RAPGEF2: variants seen among roughly 807,000 people sequenced by gnomAD.
RAPGEF2 encodes PDZ domain containing guanine nucleotide exchange factor (GEF) 1.
RAPGEF2 carries 54 observed loss-of-function variants against 186.7 expected under a neutral mutation model. That is an observed-to-expected ratio of 0.29 (90% CI 0.23 to 0.36). RAPGEF2 has a LOEUF of 0.36. Among genes scored for constraint, RAPGEF2 ranks in the 10% least tolerant of loss-of-function variants. RAPGEF2 has a pLI of 1.00. For missense variants in RAPGEF2, 1,532 were observed against 2,045.0 expected (o/e 0.75, Z 4.84); for synonymous variants, 712 against 705.9 (o/e 1.01, Z -0.14).
chr4:159,119,465 AAAGATG>A (rs1212078604), intron 1 of RAPGEF2, among the ~76,000 whole-genome samples: 1 of 152,214 alleles, frequency 6.6e-6, no homozygotes, highest in East Asian at 1.9e-4. Context: ...GATAGTACAG[AAAGATG>A]AAGATTAATG....
intron 26 of RAPGEF2, among the ~76,000 whole-genome samples, chr4:159,352,284 A>G (rs1032672000): frequency 2.0e-5 from 3 of 152,234 alleles, no homozygotes; most frequent in Admixed American, 2.0e-4. Flanking sequence ...AAGTTCTAAA[A>G]ATTGAAAACT....
chr4:159,104,438 T>C (rs1737557191), intron 1 of RAPGEF2, among the ~76,000 whole-genome samples: 1 of 148,944 alleles, frequency 6.7e-6, no homozygotes, highest in Non-Finnish European at 1.5e-5. Context: ...GACATTCTGC[T>C]CCTTAACTCT....
At chr4:159,210,086 C>A (rs953012006) in intron 3 of RAPGEF2, among the ~76,000 whole-genome samples, 1 of 152,064 alleles carries the variant, frequency 6.6e-6, no homozygotes, top group African/African-American at 2.4e-5. Context: ...TAAAGAAATT[C>A]TAAAAGAATA....
chr4:159,268,171 A>C lies in RAPGEF2; in HGVS notation c.543+24380A>C, dbSNP rs199853003. 31 of 1,612,992 alleles carry C rather than the reference A, an allele frequency of 1.9e-5. No individual in the cohort carries two copies. Among genetic ancestry groups the C allele is most frequent in the Non-Finnish European group, 2.5e-5 (30 of 1,179,192 alleles). On this transcript the variant is annotated intron_variant, in intron 7 of 29. Coordinates refer to ENST00000691494, the MANE Select transcript of RAPGEF2 (RefSeq NM_001394067.2). ...TTTCTTCATTATGAAACCACTAGCAATCCCAGCTAACCATGGAGTTATGGG... is the reference window on the plus strand; with the variant it reads ...TTTCTTCATTATGAAACCACTAGCACTCCCAGCTAACCATGGAGTTATGGG...
intron 29 of RAPGEF2, among the ~76,000 whole-genome samples, chr4:159,356,623 A>G (rs1732052748): frequency 6.6e-6 from 1 of 152,206 alleles, no homozygotes; most frequent in Admixed American, 6.5e-5. Flanking sequence ...AGAATAGGCC[A>G]GGTGCGATGG....
intron 4 of RAPGEF2, among the ~76,000 whole-genome samples, chr4:159,212,095 T>A (rs1750587792): frequency 6.6e-6 from 1 of 152,010 alleles, no homozygotes. Flanking sequence ...ATTTTATGAA[T>A]GAGGAAACGA....
intron 4 of RAPGEF2, among the ~76,000 whole-genome samples, chr4:159,214,537 AT>A (rs1750825465): frequency 6.6e-6 from 1 of 152,250 alleles, no homozygotes; most frequent in African/African-American, 2.4e-5. Context: ...TATTTAAAAA[AT>A]TGTAATAGAA....
intron 7 of RAPGEF2, among the ~76,000 whole-genome samples, chr4:159,247,755 CTTTTT>C (rs56053207): frequency 2.8e-4 from 23 of 83,460 alleles, no homozygotes; most frequent in African/African-American, 6.1e-4. Context: ...TAATTTGTTT[CTTTTT>C]TTTTTTTTTT....
intron 3 of RAPGEF2, among the ~76,000 whole-genome samples, chr4:159,193,806 T>G (rs1748358293): frequency 6.6e-6 from 1 of 152,244 alleles, no homozygotes; most frequent in African/African-American, 2.4e-5. Context: ...AATTATGATT[T>G]ATTAGACATT....
intron 20 of RAPGEF2, among the ~76,000 whole-genome samples, chr4:159,342,603 T>TTTATTTTATG: frequency 6.8e-6 from 1 of 147,524 alleles, no homozygotes; most frequent in East Asian, 1.9e-4. Context: ...TTTATTTTAT[T>TTTATTTTATG]TTATTTTATT....
At chr4:159,214,252 T>C (rs1439714074) in intron 4 of RAPGEF2, among the ~76,000 whole-genome samples, 54 of 152,218 alleles carry the variant, frequency 3.5e-4, no homozygotes. Context: ...TGCATAACTT[T>C]ATGAGGTGCT....
At chr4:159,115,809 A>G (rs1378853230) in intron 1 of RAPGEF2, among the ~76,000 whole-genome samples, 2 of 152,188 alleles carry the variant, frequency 1.3e-5, no homozygotes, top group African/African-American at 4.8e-5. Flanking sequence ...ATCTTTGACA[A>G]ACCTGACACA....
At chr4:159,262,940 G>T (rs758347999) in intron 7 of RAPGEF2, among the ~76,000 whole-genome samples, 2 of 151,902 alleles carry the variant, frequency 1.3e-5, no homozygotes, top group Non-Finnish European at 2.9e-5. Context: ...GATTCTTTGT[G>T]TTTCTAAAGA....
intron 1 of RAPGEF2, among the ~76,000 whole-genome samples, chr4:159,123,711 G>C (rs1185475825): frequency 6.6e-6 from 1 of 151,600 alleles, no homozygotes; most frequent in African/African-American, 2.4e-5. Flanking sequence ...GTAGAGACAG[G>C]GTTTCACCGT....
At chr4:159,300,832 G>T (rs1762571544) in intron 7 of RAPGEF2, among the ~76,000 whole-genome samples, 1 of 152,154 alleles carries the variant, frequency 6.6e-6, no homozygotes, top group Non-Finnish European at 1.5e-5. Context: ...TCTCAGATCT[G>T]TGTTTCCCTG....
intron 23 of RAPGEF2, among the ~76,000 whole-genome samples, chr4:159,344,841 T>A (rs946756993): frequency 6.6e-6 from 1 of 152,208 alleles, no homozygotes; most frequent in Non-Finnish European, 1.5e-5. Context: ...AGAACTGCCT[T>A]AAATGCTCTA....
At chr4:159,226,426 A>G (rs972811977) in intron 4 of RAPGEF2, among the ~76,000 whole-genome samples, 1 of 152,298 alleles carries the variant, frequency 6.6e-6, no homozygotes, top group South Asian at 2.1e-4. Flanking sequence ...GTCATGTAGC[A>G]TAAATCCCTA....
chr4:159,342,684 A>C (rs2111271557), intron 20 of RAPGEF2, among the ~76,000 whole-genome samples: 1 of 151,098 alleles, frequency 6.6e-6, no homozygotes, highest in Middle Eastern at 3.4e-3. Flanking sequence ...TGCTATGTGT[A>C]CATACTGCTG....
At chr4:159,356,266 A>G (rs1398442070) in intron 29 of RAPGEF2, 108 bp downstream of exon 29, 1 of 1,150,138 alleles carries the variant, frequency 8.7e-7, no homozygotes, top group Non-Finnish European at 1.2e-6. Context: ...ATGTCTAACC[A>G]TATACTACAC....
Sources: gnomAD v4.1 joint callset for allele counts (sites outside exome capture counted in the v4.1 genomes callset) on GRCh38, gnomAD v4.1.1 for gene constraint, MANE v1.5 for transcripts, NCBI Gene and HGNC (gene_info 2026-07-23, HGNC 2026-07-21) for gene names.